The following SOX5 variants were observed in gnomAD, a reference collection of about 807,000 sequenced individuals.
The protein encoded by SOX5 is transcription factor SOX-5.
A neutral mutation model predicts 92.0 loss-of-function variants in SOX5; 9 were observed. That is an observed-to-expected ratio of 0.10 (90% CI 0.06 to 0.17). The LOEUF is 0.17. Among genes scored for constraint, SOX5 ranks in the 10% least tolerant of loss-of-function variants. SOX5 has a pLI of 1.00. For synonymous variants in SOX5, 344 were observed against 336.3 expected (o/e 1.02, Z -0.25); for missense variants, 642 against 944.5 (o/e 0.68, Z 4.20).
intron 2 of SOX5, among the ~76,000 whole-genome samples, chr12:24,316,882 T>C (rs150008042): frequency 2.0e-5 from 3 of 152,266 alleles, no homozygotes; most frequent in African/African-American, 7.2e-5. Flanking sequence ...TAGCACAAGA[T>C]AATTTGGTCC....
intron 3 of SOX5, among the ~76,000 whole-genome samples, chr12:23,825,865 G>T (rs921101766): frequency 1.6e-4 from 24 of 151,694 alleles, no homozygotes; most frequent in Admixed American, 1.2e-3. Flanking sequence ...AAAAAGCAAA[G>T]AAAAAAAATC....
At chr12:23,722,496 T>C (rs1206991322) in intron 6 of SOX5, among the ~76,000 whole-genome samples, 3 of 152,178 alleles carry the variant, frequency 2.0e-5, no homozygotes, top group African/African-American at 4.8e-5. Context: ...TGGAAGTCTA[T>C]AGTTACATAT....
intron 8 of SOX5, among the ~76,000 whole-genome samples, chr12:23,621,672 T>C (rs79276192): frequency 6.6e-6 from 1 of 152,140 alleles, no homozygotes; most frequent in East Asian, 1.9e-4. Context: ...CTTTAAAAAA[T>C]ACTCAACATA....
intron 11 of SOX5, among the ~76,000 whole-genome samples, chr12:23,559,660 G>A (rs1368172484): frequency 1.3e-5 from 2 of 152,112 alleles, no homozygotes; most frequent in East Asian, 3.8e-4. Context: ...GGATAACCAC[G>A]TGGCTGGCTA....
chr12:24,528,632 C>T (rs1950918827), intron 1 of SOX5, among the ~76,000 whole-genome samples: 3 of 152,222 alleles, frequency 2.0e-5, no homozygotes, highest in Admixed American at 1.3e-4. Context: ...TGGTAGCCAG[C>T]CCATATTGCG....
At chr12:23,807,846 C>G (rs1209134551) in intron 3 of SOX5, among the ~76,000 whole-genome samples, 1 of 151,896 alleles carries the variant, frequency 6.6e-6, no homozygotes, top group Non-Finnish European at 1.5e-5. Context: ...TGGGGTTTCA[C>G]TATGTTGGCC....
intron 4 of SOX5, among the ~76,000 whole-genome samples, chr12:24,046,724 G>A (rs1288972550): frequency 7.1e-6 from 1 of 140,512 alleles, no homozygotes; most frequent in African/African-American, 2.6e-5. Context: ...TTGTTGCCCA[G>A]GCTGGAGTGC....
At chr12:24,306,521 T>G (rs1948588394) in intron 2 of SOX5, among the ~76,000 whole-genome samples, 1 of 151,984 alleles carries the variant, frequency 6.6e-6, no homozygotes, top group South Asian at 2.1e-4. Context: ...CAATCAATCT[T>G]CTTCAGGCTT....
intron 4 of SOX5, among the ~76,000 whole-genome samples, chr12:24,174,466 C>T (rs572089292): frequency 1.3e-5 from 2 of 152,072 alleles, no homozygotes; most frequent in African/African-American, 4.8e-5. Flanking sequence ...CTCAGTGAGA[C>T]CAAACCAATT....
rs548302752 is a variant in SOX5, at chr12:23,667,907, G to A, written c.811-2343C>T. 7.2e-5 allele frequency among the ~76,000 whole-genome samples: 11 copies of A among 152,238 alleles called. No individual in the cohort carries two copies. In the South Asian group the frequency reaches 1.0e-3, roughly 14 times the overall value. On this transcript the variant is annotated intron_variant, in intron 6 of 14. Transcript: ENST00000451604. ...GACTAAAAACACATCTCAAAATATC[G>A]TTGATCCTGATTATTCGTGGATTCT...
chr12:23,671,347 C>T (rs2084750846), intron 6 of SOX5, among the ~76,000 whole-genome samples: 1 of 152,168 alleles, frequency 6.6e-6, no homozygotes, highest in African/African-American at 2.4e-5. Context: ...TTCAAATACA[C>T]ATCATCCTTA....
intron 1 of SOX5, among the ~76,000 whole-genome samples, chr12:24,478,915 T>G (rs1430849318): frequency 6.6e-6 from 1 of 152,208 alleles, no homozygotes; most frequent in Non-Finnish European, 1.5e-5. Flanking sequence ...CTGGGAAATC[T>G]TCAACATCAT....
intron 4 of SOX5, among the ~76,000 whole-genome samples, chr12:24,207,853 C>T (rs555533343): frequency 6.6e-6 from 1 of 152,278 alleles, no homozygotes; most frequent in East Asian, 1.9e-4. Flanking sequence ...ATCGTCAACT[C>T]TCGTGCCATG....
At chr12:23,890,131 C>A (rs578132781) in intron 2 of SOX5, among the ~76,000 whole-genome samples, 37 of 152,166 alleles carry the variant, frequency 2.4e-4, no homozygotes, top group African/African-American at 8.4e-4. Context: ...ACCAGCCTGG[C>A]CAACATGGCA....
intron 9 of SOX5, chr12:23,582,408 G>A (rs1950169543): frequency 2.8e-6 from 1 of 361,816 alleles, no homozygotes; most frequent in Admixed American, 6.5e-5. Flanking sequence ...AGTAACCTAA[G>A]ATAAAAATAA....
At chr12:24,326,247 A>C (rs948184413) in intron 2 of SOX5, among the ~76,000 whole-genome samples, 3 of 152,104 alleles carry the variant, frequency 2.0e-5, no homozygotes, top group Non-Finnish European at 4.4e-5. Flanking sequence ...TATATATCTA[A>C]AGCCATACAA....
At chr12:23,571,461 G>C (rs902753314) in intron 10 of SOX5, among the ~76,000 whole-genome samples, 3 of 152,108 alleles carry the variant, frequency 2.0e-5, no homozygotes, top group Admixed American at 6.5e-5. Flanking sequence ...CTCAGTCAAA[G>C]GCTGTTGTCT....
At position 23,776,616 on chromosome 12, in the gene SOX5, C is replaced by CA. The variant is rs571953858; in HGVS notation, c.482-20893dup. Among the ~76,000 whole-genome samples the CA allele has an allele frequency of 2.8e-4, 42 of 152,080 alleles. 1 individual carries two copies. The South Asian group carries it at 8.5e-3, about 31-fold the overall frequency. ...CACCACGGACCAGTCTCGTGGAAGA[C>CA]ATTTTTTTTTAACAGGGGGATGGTG... On this transcript the variant is annotated intron_variant, in intron 3 of 14. Transcript: ENST00000451604.
chr12:24,295,443 C>T (rs1947102004), intron 2 of SOX5, among the ~76,000 whole-genome samples: 1 of 152,234 alleles, frequency 6.6e-6, no homozygotes, highest in African/African-American at 2.4e-5. Context: ...TTTAAAACTG[C>T]ATGCACTGTG....
Sources: gnomAD v4.1 joint callset for allele counts (sites outside exome capture counted in the v4.1 genomes callset) on GRCh38, gnomAD v4.1.1 for gene constraint, MANE v1.5 for transcripts, NCBI Gene and HGNC (gene_info 2026-07-23, HGNC 2026-07-21) for gene names.